The following CPAMD8 variants were observed in gnomAD, a reference collection of about 807,000 sequenced individuals.
CPAMD8 encodes C3 and PZP like alpha-2-macroglobulin domain containing 8, also known as C3 and PZP-like alpha-2-macroglobulin domain-containing protein 8.
Under a neutral mutation model 224.7 loss-of-function variants are expected in CPAMD8, and 146 were observed. The ratio of observed to expected loss-of-function variants is 0.65; its 90% confidence interval spans 0.57 to 0.75. The LOEUF (loss-of-function observed/expected upper bound fraction) is 0.75. Ranked by LOEUF, CPAMD8 falls within the 30% of genes least tolerant of loss-of-function variation. The probability of loss-of-function intolerance (pLI) is 0.00; values close to 1 mark genes in which losing one functional copy is unlikely to be tolerated. For synonymous variants in CPAMD8, 966 were observed against 1,044.6 expected (o/e 0.92, Z 1.45); for missense variants, 2,301 against 2,537.5 (o/e 0.91, Z 2.00).
chr19:16,905,577 A>G (rs1364668938), intron 30 of CPAMD8, among the ~76,000 whole-genome samples: 3 of 150,340 alleles, frequency 2.0e-5, no homozygotes, highest in Non-Finnish European at 4.4e-5. Flanking sequence ...AAGAAAAAAA[A>G]AAAAAAAAAG....
chr19:16,950,730 C>T (rs1215061887), intron 20 of CPAMD8, among the ~76,000 whole-genome samples: 2 of 142,482 alleles, frequency 1.4e-5, no homozygotes, highest in Non-Finnish European at 1.5e-5. Context: ...GAGGTCAAGG[C>T]TGCAGTGAGC....
At position 16,924,537 on chromosome 19, in the gene CPAMD8, C is replaced by G. The variant is rs550125037; in HGVS notation, c.3547+659G>C. Among the ~76,000 whole-genome samples the G allele has an allele frequency of 4.6e-5, 7 of 152,284 alleles. No individual in the cohort carries two copies. The East Asian group carries it at 5.8e-4, about 13-fold the overall frequency. On this transcript the variant is annotated intron_variant, in intron 26 of 41. Transcript: ENST00000443236. Reference sequence around the variant, plus strand: ...TGTCCATGATCAGCCTTCAAGATGCCAGACTTTCAGCCTAGAGCAACCCCT... The same window carrying G: ...TGTCCATGATCAGCCTTCAAGATGCGAGACTTTCAGCCTAGAGCAACCCCT...
At chr19:16,940,790 T>C (rs2053861967) in intron 22 of CPAMD8, among the ~76,000 whole-genome samples, 1 of 152,134 alleles carries the variant, frequency 6.6e-6, no homozygotes, top group Non-Finnish European at 1.5e-5. Flanking sequence ...CCACGGGTCA[T>C]TTGCTAAGCT....
At chr19:17,016,084 C>T (rs1282526423) in intron 3 of CPAMD8, among the ~76,000 whole-genome samples, 1 of 152,204 alleles carries the variant, frequency 6.6e-6, no homozygotes, top group Non-Finnish European at 1.5e-5. Context: ...GCTGGGACTA[C>T]AGGTGCAGGC....
chr19:16,955,419 G>A (rs1360783434), intron 19 of CPAMD8, among the ~76,000 whole-genome samples: 3 of 152,090 alleles, frequency 2.0e-5, no homozygotes, highest in Admixed American at 1.3e-4. Flanking sequence ...ACTTACAGGC[G>A]GTCCCTAGAA....
intron 27 of CPAMD8, among the ~76,000 whole-genome samples, chr19:16,915,910 TTC>T (rs952048488): frequency 6.6e-6 from 1 of 150,412 alleles, no homozygotes; most frequent in African/African-American, 2.4e-5. Flanking sequence ...TTCTTTCTCT[TTC>T]TCTCTCTCCT....
At chr19:16,931,526 TGCCCATGCCAA>T (rs1276083596) in intron 23 of CPAMD8, among the ~76,000 whole-genome samples, 7 of 152,300 alleles carry the variant, frequency 4.6e-5, no homozygotes, top group Admixed American at 1.3e-4. Context: ...CTACTGCCAG[TGCCCATGCCAA>T]GCCCACTGCC....
intron 18 of CPAMD8, among the ~76,000 whole-genome samples, chr19:16,958,321 T>G (rs1363228335): frequency 1.3e-5 from 2 of 152,198 alleles, no homozygotes; most frequent in African/African-American, 4.8e-5. Context: ...CCCTTTTGTT[T>G]CCATGTGTTC....
intron 27 of CPAMD8, among the ~76,000 whole-genome samples, chr19:16,918,290 C>T (rs780823066): frequency 6.6e-5 from 10 of 152,112 alleles, no homozygotes; most frequent in Non-Finnish European, 7.4e-5. Context: ...CCACAGCGCC[C>T]GGCCCCTCCT....
In CPAMD8 at chr19:16,989,674, A is replaced by G. The variant is rs2055868905; in HGVS notation, c.1364T>C (p.Leu455Pro). The G allele has an allele frequency of 6.2e-7, 1 of 1,614,062 alleles. No individual in the cohort carries two copies. Among genetic ancestry groups the G allele is most frequent in the Non-Finnish European group, 8.5e-7 (1 of 1,179,970 alleles). Residue 455 changes from leucine to proline, a missense_variant, in exon 13 of 42, where the codon CTG (leucine) becomes CCG (proline). Leu to Pro is a moderately conservative substitution (Grantham distance 98, BLOSUM62 -3). This residue lies in a region of CPAMD8 where 301 missense variants were observed against 406.6 expected (regional missense o/e 0.74). Transcript: ENST00000443236. The part of the protein sequence containing the change: ...GSWYSPSQCY[L>P]QLQPPSHPLQ... ...TGGGTGGGAGGGTGGCTGCAGCTGC[A>G]GGTAGCACTGGCTGGGGGAGTACCA...
chr19:16,988,334 G>A (rs2055817864), intron 13 of CPAMD8, among the ~76,000 whole-genome samples: 1 of 152,146 alleles, frequency 6.6e-6, no homozygotes, highest in Admixed American at 6.6e-5. Flanking sequence ...CAACGAGCCG[G>A]GCGTGGTGGC....
rs140642476 is a variant in CPAMD8 at position 16,925,899 on chromosome 19, G to A, written c.3371-527C>T. ...CTCCTGAGTAGCTGGGACTACAGGC[G>A]TGTGCCACCACACCCAACTAATTTT... On this transcript the variant is annotated intron_variant, in intron 25 of 41. Coordinates refer to ENST00000443236, the MANE Select transcript of CPAMD8 (RefSeq NM_015692.5). Among the ~76,000 whole-genome samples the A allele has an allele frequency of 3.0e-3, 450 of 151,564 alleles. 2 individuals are homozygous for A. Among genetic ancestry groups the A allele is most frequent in the African/African-American group, 0.01 (428 of 41,280 alleles).
At position 16,928,238 on chromosome 19, in the gene CPAMD8, GAAA is replaced by G. The variant is rs1377015473; in HGVS notation, c.3145-7_3145-5del. 6 of 1,608,280 alleles carry G rather than the reference GAAA, an allele frequency of 3.7e-6. No individual in the cohort carries two copies. The highest frequency in any genetic ancestry group is 5.1e-6 in the Non-Finnish European group (6 of 1,175,650). ...ATGGCTCTGGACCATGGCCAACCTGGAAAAAGAAACCAAGGCTGCTGGACGCTG... is the reference window on the plus strand; with the variant it reads ...ATGGCTCTGGACCATGGCCAACCTGGAAGAAACCAAGGCTGCTGGACGCTG... On this transcript the variant is annotated splice_polypyrimidine_tract_variant and splice_region_variant and intron_variant, in intron 24 of 41. Transcript: ENST00000443236.
At chr19:17,004,725 C>T (rs746354318) in intron 7 of CPAMD8, among the ~76,000 whole-genome samples, 50 of 152,034 alleles carry the variant, frequency 3.3e-4, no homozygotes, top group Non-Finnish European at 5.9e-4. Flanking sequence ...CCCCGCCACC[C>T]GAGTCATTTC....
Position 16,899,339 on chromosome 19 carries a change from G to A in CPAMD8, c.4848+136C>T. 1.6e-6 allele frequency: 1 copy of A among 607,380 alleles called. No individual in the cohort carries two copies. The highest frequency in any genetic ancestry group is 1.8e-5 in the African/African-American group (1 of 54,954). 37.6% of individuals were successfully genotyped at this position (607,380 alleles called of 1,614,324 possible). ...CCCAAAGTGCTGGGATTACAGGCAT[G>A]AGCCACCATGCCCGGCCCCAGTGTC... On this transcript the variant is annotated intron_variant, in intron 37 of 41. Transcript: ENST00000443236. The surrounding 1 kb of genome is among the most constrained non-coding windows in gnomAD (Gnocchi z 5.4).
At chr19:16,991,867 C>T (rs1425822073) in intron 12 of CPAMD8, among the ~76,000 whole-genome samples, 1 of 139,172 alleles carries the variant, frequency 7.2e-6, no homozygotes. Flanking sequence ...AAAAAAAAAA[C>T]AACAGAACAG....
intron 15 of CPAMD8, among the ~76,000 whole-genome samples, chr19:16,976,611 C>T (rs968439196): frequency 6.6e-6 from 1 of 152,056 alleles, no homozygotes. Flanking sequence ...CCTGGCCTCG[C>T]TACCTGGGTG....
rs753845838 is a variant in CPAMD8 at position 16,893,195 on chromosome 19, A to T, written c.5571T>A (p.Leu1857=). The T allele has an allele frequency of 1.9e-6, 3 of 1,593,896 alleles. No homozygotes were observed. The East Asian group carries it at 6.7e-5, about 36-fold the overall frequency. The change falls in exon 42 of 42, where the codon CTT becomes CTA. Residue 1857 remains leucine (L), a synonymous_variant. Coordinates refer to ENST00000443236, the MANE Select transcript of CPAMD8 (RefSeq NM_015692.5). ...GGCTGTAGACGAAGACAGGGCTCAG[A>T]AGCCCTGGCCTGTGGGCCCCCACCA... ...GRVVGAHRPG[L]LSPVFVYSPA...
At chr19:17,008,309 G>C (rs1272632344) in intron 7 of CPAMD8, among the ~76,000 whole-genome samples, 196 bp downstream of exon 7, 2 of 152,214 alleles carry the variant, frequency 1.3e-5, no homozygotes, top group Non-Finnish European at 2.9e-5. Context: ...GCTGTGGGCT[G>C]GGCTGAGGCT....
Sources: allele counts gnomAD v4.1 joint callset (sites outside exome capture counted in the v4.1 genomes callset), GRCh38; gene constraint gnomAD v4.1.1; regional missense constraint gnomAD v4.1.1; non-coding constraint Gnocchi (gnomAD v3.1); transcripts MANE v1.5; gene names NCBI Gene and HGNC (gene_info 2026-07-23, HGNC 2026-07-21).